The following ITPR2 variants were observed in gnomAD, a reference collection of about 807,000 sequenced individuals.
ITPR2 encodes inositol 1,4,5-trisphosphate receptor type 2.
In ITPR2, 207 loss-of-function variants were observed where a neutral mutation model predicts 317.1. That is an observed-to-expected ratio of 0.65 (90% CI 0.58 to 0.73). The LOEUF (loss-of-function observed/expected upper bound fraction) is 0.73. ITPR2 is among the 30% of genes least tolerant of loss of function. ITPR2 has a pLI of 0.00. For synonymous variants in ITPR2, 1,156 were observed against 1,149.1 expected, an observed-to-expected ratio of 1.01 and a Z score of -0.12; for missense variants, 2,613 against 3,284.0, an observed-to-expected ratio of 0.80 and a Z score of 4.99.
chr12:26,538,933 T>G (rs1944180634), intron 37 of ITPR2, among the ~76,000 whole-genome samples: 1 of 152,202 alleles, frequency 6.6e-6, no homozygotes, highest in Non-Finnish European at 1.5e-5. Context: ...ATCTATAAAA[T>G]GGAGATTAAA....
intron 2 of ITPR2, among the ~76,000 whole-genome samples, chr12:26,787,446 A>G (rs1950274462): frequency 6.6e-6 from 1 of 152,220 alleles, no homozygotes; most frequent in African/African-American, 2.4e-5. Flanking sequence ...TGCCCAGTGA[A>G]TAATATGAGA....
chr12:26,469,954 G>A (rs1365915972), intron 45 of ITPR2, among the ~76,000 whole-genome samples: 1 of 152,174 alleles, frequency 6.6e-6, no homozygotes, highest in East Asian at 1.9e-4. Flanking sequence ...AATATTGGAA[G>A]AAGTGGAAAT....
At chr12:26,790,758 C>T (rs924241638) in intron 1 of ITPR2, among the ~76,000 whole-genome samples, 2 of 152,152 alleles carry the variant, frequency 1.3e-5, no homozygotes, top group Non-Finnish European at 2.9e-5. Context: ...CTTATGAGAT[C>T]AGGCTTCTGG....
intron 26 of ITPR2, among the ~76,000 whole-genome samples, chr12:26,617,744 G>T (rs1236850297): frequency 8.0e-6 from 1 of 125,544 alleles, no homozygotes; most frequent in Non-Finnish European, 1.7e-5. Flanking sequence ...GGGAGGGAAG[G>T]AAGGACAGAA....
At chr12:26,595,119 T>A (rs886916425) in intron 32 of ITPR2, among the ~76,000 whole-genome samples, 1 of 152,196 alleles carries the variant, frequency 6.6e-6, no homozygotes, top group Non-Finnish European at 1.5e-5. Flanking sequence ...TGCTTTGTAA[T>A]TGCACTTAGA....
chr12:26,737,659 C>T (rs183374589), intron 2 of ITPR2, among the ~76,000 whole-genome samples: 5 of 152,272 alleles, frequency 3.3e-5, no homozygotes, highest in South Asian at 2.1e-4. Context: ...CCTGCTTCAG[C>T]TGTATTTATC....
intron 37 of ITPR2, among the ~76,000 whole-genome samples, chr12:26,534,224 C>A (rs1170372452): frequency 1.3e-5 from 2 of 152,130 alleles, no homozygotes; most frequent in Non-Finnish European, 2.9e-5. Context: ...TGAAGCATTG[C>A]AGAAATATTC....
At chr12:26,813,214 T>C (rs1010937659) in intron 1 of ITPR2, among the ~76,000 whole-genome samples, 1 of 152,244 alleles carries the variant, frequency 6.6e-6, no homozygotes, top group African/African-American at 2.4e-5. Flanking sequence ...ATTTCTGAGA[T>C]CTAAATTAAC....
intron 37 of ITPR2, among the ~76,000 whole-genome samples, chr12:26,512,821 A>AT (rs371730693): frequency 0.015 from 1,997 of 135,418 alleles, 20 homozygotes; most frequent in African/African-American, 0.024. Flanking sequence ...AAGGGAAACA[A>AT]TTTTTTTTTT....
chr12:26,800,959 C>A, intron 1 of ITPR2: 1 of 165,138 alleles, frequency 6.1e-6, no homozygotes. Flanking sequence ...CACTCGAGGG[C>A]TCCTCCCAGG....
At chr12:26,795,654 T>C (rs1950422735) in intron 1 of ITPR2, among the ~76,000 whole-genome samples, 1 of 152,180 alleles carries the variant, frequency 6.6e-6, no homozygotes, top group Admixed American at 6.6e-5. Flanking sequence ...ACAAGGCCAC[T>C]GCTATGCTTG....
chr12:26,410,925 T>C (rs1487954504), intron 52 of ITPR2, among the ~76,000 whole-genome samples: 2 of 152,176 alleles, frequency 1.3e-5, no homozygotes, highest in Non-Finnish European at 2.9e-5. Flanking sequence ...GTCCAAGACA[T>C]AGAGCTAGAG....
At chr12:26,782,033 TGTATAGAGAGAG>T (rs1170431307) in intron 2 of ITPR2, among the ~76,000 whole-genome samples, 9 of 18,036 alleles carry the variant, frequency 5.0e-4, no homozygotes, top group African/African-American at 1.0e-3. Flanking sequence ...TATATATATA[TGTATAGAGAGAG>T]AGAGAGAGAG....
At chr12:26,358,858 A>T (rs1326142618) in intron 55 of ITPR2, among the ~76,000 whole-genome samples, 2 of 151,860 alleles carry the variant, frequency 1.3e-5, no homozygotes, top group African/African-American at 4.8e-5. Context: ...TGCCATGTCC[A>T]ATCTGTTCCC....
chr12:26,368,590 A>G (rs1939090148), intron 55 of ITPR2, among the ~76,000 whole-genome samples: 1 of 152,226 alleles, frequency 6.6e-6, no homozygotes, highest in Non-Finnish European at 1.5e-5. Flanking sequence ...GTGAACTGAG[A>G]CAGACTAATA....
At position 26,336,542 on chromosome 12, in the gene ITPR2, A is replaced by G. The variant is rs372982665; in HGVS notation, c.*2855T>C. On this transcript the variant is annotated 3_prime_UTR_variant, in exon 57 of 57. Transcript: ENST00000381340. Reference sequence around the variant, plus strand: ...TTGCATACATACAATTTATTTATTTATATTATAGCCCTGTATGATACAAGC... The same window carrying G: ...TTGCATACATACAATTTATTTATTTGTATTATAGCCCTGTATGATACAAGC... 3.3e-5 allele frequency: 5 copies of G among 152,306 alleles called. No individual in the cohort carries two copies. In the South Asian group the frequency reaches 1.0e-3, roughly 32 times the overall value. The allele number at this position is 152,306 out of a possible 1,614,324, so 9.4% of individuals were successfully genotyped here. A position where few individuals can be genotyped will look rare whatever the true frequency, so the allele number is the denominator to read the frequency against.
At chr12:26,519,131 A>G (rs1420207544) in intron 37 of ITPR2, among the ~76,000 whole-genome samples, 1 of 152,218 alleles carries the variant, frequency 6.6e-6, no homozygotes. Context: ...AGCACTTTTT[A>G]ACTGTTTCAG....
chr12:26,696,866 C>T (rs114002193), intron 9 of ITPR2, among the ~76,000 whole-genome samples: 45 of 152,298 alleles, frequency 3.0e-4, no homozygotes, highest in African/African-American at 9.1e-4. Flanking sequence ...CATGAAATTA[C>T]GCAGAAAACT....
chr12:26,798,023 A>G (rs879221887), intron 1 of ITPR2, among the ~76,000 whole-genome samples: 2 of 152,050 alleles, frequency 1.3e-5, no homozygotes, highest in Non-Finnish European at 2.9e-5. Flanking sequence ...TCAGAACTTT[A>G]TCACAAATAA....
Sources: gnomAD v4.1 joint callset for allele counts (sites outside exome capture counted in the v4.1 genomes callset) on GRCh38, gnomAD v4.1.1 for gene constraint, MANE v1.5 for transcripts, NCBI Gene and HGNC (gene_info 2026-07-23, HGNC 2026-07-21) for gene names.